CDR2: variants seen among roughly 807,000 people sequenced by gnomAD.
CDR2 encodes the protein cerebellar degeneration-related protein 2.
A neutral mutation model predicts 48.4 loss-of-function variants in CDR2; 34 were observed. The ratio of observed to expected loss-of-function variants is 0.70; its 90% CI spans 0.53 to 0.94. CDR2 has a LOEUF of 0.94. Among genes scored for constraint, CDR2 ranks in the 40% least tolerant of loss-of-function variants. CDR2 has a pLI of 0.00. For missense variants in CDR2, 498 were observed against 549.5 expected, an observed-to-expected ratio of 0.91 and a Z score of 0.94; for synonymous variants, 240 against 219.7, an observed-to-expected ratio of 1.09 and a Z score of -0.82.
At position 22,374,366 on chromosome 16, in the gene CDR2, C is replaced by A; in HGVS notation, c.-57G>T. Reference sequence around the variant, plus strand: ...CGCCGCCGTCCCGCCTCAGCCGCTGCCCCGGGCTCTTCCCCGGCCCCTCCG... The same window carrying A: ...CGCCGCCGTCCCGCCTCAGCCGCTGACCCGGGCTCTTCCCCGGCCCCTCCG... On this transcript the variant is annotated 5_prime_UTR_variant, in exon 1 of 5. Coordinates refer to ENST00000268383, the MANE Select transcript of CDR2 (RefSeq NM_001802.2). The A allele has an allele frequency of 7.7e-7, 1 of 1,294,682 alleles. No homozygotes were observed. The allele number at this position is 1,294,682 out of a possible 1,614,324, so 80.2% of individuals were successfully genotyped here.
At chr16:22,360,437 T>C (rs1212108460) in intron 2 of CDR2, among the ~76,000 whole-genome samples, 1 of 152,312 alleles carries the variant, frequency 6.6e-6, no homozygotes, top group Non-Finnish European at 1.5e-5. Flanking sequence ...CTACCAAAAA[T>C]ACTGATCAAT....
In CDR2 at chr16:22,347,642, T is replaced by C; in HGVS notation, c.688A>G (p.Asn230Asp). Residue 230 changes from asparagine to aspartate, a missense_variant, in exon 5 of 5, where the codon AAC becomes GAC. By Grantham distance (23) the Asn-to-Asp change is conservative. Coordinates refer to ENST00000268383, the MANE Select transcript of CDR2 (RefSeq NM_001802.2). ...EEEYGLVLKE[N>D]SELEQQLGAT... ...CCCAGCTGCTGCTCCAGTTCACTGT[T>C]CTCCTTTAACACGAGCCCATATTCC... 1 of 1,614,096 alleles carries C rather than the reference T, an allele frequency of 6.2e-7. No individual in the cohort carries two copies. The highest frequency in any genetic ancestry group is 8.5e-7 in the Non-Finnish European group (1 of 1,180,008).
At chr16:22,365,090 AAG>A in intron 1 of CDR2, 76 bp from the exon 2 acceptor site, 1 of 955,968 alleles carries the variant, frequency 1.0e-6, no homozygotes, top group South Asian at 1.4e-5. Flanking sequence ...TCCTTCAAAA[AAG>A]AACATGTAGT....
At chr16:22,360,501 T>C (rs2049003725) in intron 2 of CDR2, among the ~76,000 whole-genome samples, 1 of 152,152 alleles carries the variant, frequency 6.6e-6, no homozygotes, top group African/African-American at 2.4e-5. Flanking sequence ...ATATTTGTGG[T>C]TCTACTTACA....
At chr16:22,374,170 T>G (rs1243162369) in intron 1 of CDR2, 61 bp downstream of exon 1, 2 of 1,124,770 alleles carry the variant, frequency 1.8e-6, no homozygotes, top group African/African-American at 3.3e-5. Flanking sequence ...TTTTAACAGT[T>G]TCGCAGCGGG....
At chr16:22,368,143 C>T (rs975262224) in intron 1 of CDR2, among the ~76,000 whole-genome samples, 6 of 152,116 alleles carry the variant, frequency 3.9e-5, no homozygotes. Flanking sequence ...CTTGTATTTA[C>T]AAAACACAGA....
intron 4 of CDR2, chr16:22,349,044 TATGATTTA>T: frequency 5.1e-6 from 2 of 395,430 alleles, no homozygotes; most frequent in Non-Finnish European, 9.1e-6. Flanking sequence ...CATCTTAAAC[TATGATTTA>T]ATACATTAAA....
intron 4 of CDR2, 80 bp from the exon 5 acceptor site, chr16:22,347,903 A>G (rs1184456893): frequency 3.7e-6 from 5 of 1,356,152 alleles, no homozygotes; most frequent in Admixed American, 2.3e-5. Flanking sequence ...TTTTTTTTCA[A>G]CTAAATAAAT....
intron 2 of CDR2, among the ~76,000 whole-genome samples, chr16:22,358,033 T>G (rs1230475181): frequency 6.6e-6 from 1 of 152,216 alleles, no homozygotes; most frequent in Non-Finnish European, 1.5e-5. Context: ...ATAGGGGACC[T>G]ACAGAAGAGT....
At position 22,347,754 on chromosome 16, in the gene CDR2, T is replaced by C; in HGVS notation, c.576A>G (p.Glu192=). 1.2e-6 allele frequency: 2 copies of C among 1,614,096 alleles called. No individual in the cohort carries two copies. The highest frequency in any genetic ancestry group is 1.3e-5 in the African/African-American group (1 of 75,026). The stretch of plus-strand genomic sequence containing the variant: ...TTTTTTTCAAGTGCTCATTTTCCTC[T>C]TCATCAGGGCTTGGCTGACCTTGCA... ...TSLQGQPSPD[E]EENEHLKKTV... Residue 192 remains glutamate, a synonymous_variant, in exon 5 of 5, where the codon GAA becomes GAG. Coordinates refer to ENST00000268383, the MANE Select transcript of CDR2 (RefSeq NM_001802.2).
chr16:22,356,005 C>T (rs2048972092), intron 2 of CDR2, among the ~76,000 whole-genome samples: 1 of 152,176 alleles, frequency 6.6e-6, no homozygotes, highest in African/African-American at 2.4e-5. Flanking sequence ...CAACAGAAAT[C>T]ACAGGTATTT....
chr16:22,353,296 C>T (rs2048954542), intron 2 of CDR2, among the ~76,000 whole-genome samples: 1 of 152,134 alleles, frequency 6.6e-6, no homozygotes, highest in Admixed American at 6.5e-5. Context: ...GACATGGGAT[C>T]AGAGGAGTCT....
In CDR2 at chr16:22,347,031, G is replaced by A. The variant is rs2141841173; in HGVS notation, c.1299C>T (p.Ile433=). The change falls in exon 5 of 5, where the codon ATC becomes ATT. Residue 433 remains isoleucine, a synonymous_variant. Transcript: ENST00000268383. ...CATCTATTTCCTGCTTAGTTTTCTT[G>A]ATGCAACTAAAGATCTCCTTAAACA... ...KALFKEIFSC[I]KKTKQEIDEQ... 6.2e-7 allele frequency: 1 copy of A among 1,613,982 alleles called. No homozygotes were observed. The highest frequency in any genetic ancestry group is 8.5e-7 in the Non-Finnish European group (1 of 1,179,830).
chr16:22,365,128 G>C, intron 1 of CDR2, 114 bp from the exon 2 acceptor site: 3 of 680,652 alleles, frequency 4.4e-6, no homozygotes, highest in Non-Finnish European at 7.6e-6. Flanking sequence ...ATGGAAGGTG[G>C]AGTGGCACAG....
At chr16:22,357,306 G>A (rs2048981614) in intron 2 of CDR2, among the ~76,000 whole-genome samples, 1 of 152,150 alleles carries the variant, frequency 6.6e-6, no homozygotes, top group Non-Finnish European at 1.5e-5. Context: ...GACTCGGCCT[G>A]CCAAAGTGAA....
Position 22,347,308 on chromosome 16 carries a change from C to T in CDR2, c.1022G>A (p.Arg341Lys). 6.2e-7 allele frequency: 1 copy of T among 1,614,246 alleles called. No individual in the cohort carries two copies. Among genetic ancestry groups the T allele is most frequent in the Non-Finnish European group, 8.5e-7 (1 of 1,180,038 alleles). Residue 341 changes from arginine to lysine, a missense_variant, in exon 5 of 5, where the codon AGG (arginine) becomes AAG (lysine). By Grantham distance (26) the Arg-to-Lys change is conservative (BLOSUM62 2). Coordinates refer to ENST00000268383, the MANE Select transcript of CDR2 (RefSeq NM_001802.2). ...CIRRAKAVKQ[R>K]GISLLHEVDT... ...CACTTCGTGCAGAAGGGAGATGCCC[C>T]TCTGTTTCACAGCCTTGGCCCTCCT...
intron 4 of CDR2, chr16:22,349,075 A>G (rs1358191471): frequency 5.8e-6 from 3 of 517,870 alleles, no homozygotes; most frequent in Non-Finnish European, 1.0e-5. Flanking sequence ...CACTGAAATA[A>G]GTGTTCCAAG....
intron 2 of CDR2, among the ~76,000 whole-genome samples, chr16:22,358,631 G>A (rs2048991969): frequency 6.6e-6 from 1 of 152,120 alleles, no homozygotes; most frequent in Admixed American, 6.6e-5. Flanking sequence ...GCAGTGTTGG[G>A]ATTATCCTGA....
intron 1 of CDR2, among the ~76,000 whole-genome samples, chr16:22,367,911 T>C (rs2049053225): frequency 6.6e-6 from 1 of 152,196 alleles, no homozygotes; most frequent in African/African-American, 2.4e-5. Flanking sequence ...ACAATGTCTA[T>C]TAGTCATTAC....
Sources: allele counts gnomAD v4.1 joint callset (sites outside exome capture counted in the v4.1 genomes callset), GRCh38; gene constraint gnomAD v4.1.1; transcripts MANE v1.5; gene names NCBI Gene and HGNC (gene_info 2026-07-23, HGNC 2026-07-21).